Variants in ABCG2 observed in about 807,000 individuals in gnomAD.
ABCG2 encodes the protein ATP binding cassette subfamily G member 2 (JR blood group), also known as broad substrate specificity ATP-binding cassette transporter ABCG2.
In ABCG2, 80 loss-of-function variants were observed where a neutral mutation model predicts 73.5. The ratio of observed to expected loss-of-function variants is 1.09; its 90% CI spans 0.91 to 1.31. The LOEUF (loss-of-function observed/expected upper bound fraction) is 1.31, where lower values mean the gene tolerates loss of function less well. ABCG2 is among the 50% of genes most tolerant of loss of function. The pLI, the probability that ABCG2 is intolerant of heterozygous loss-of-function variation, is 0.00. For synonymous variants in ABCG2, 269 were observed against 282.4 expected, an observed-to-expected ratio of 0.95 and a Z score of 0.48; for missense variants, 796 against 786.2, an observed-to-expected ratio of 1.01 and a Z score of -0.15.
At chr4:88,158,990 C>A (rs1190083241), upstream of ABCG2, 2 of 360,274 alleles carry the variant, frequency 5.6e-6, no homozygotes. Flanking sequence ...ACTGCCGGGC[C>A]GCGATAAGCG....
chr4:88,179,028 C>A (rs1206317838), intron 1 of ABCG2, among the ~76,000 whole-genome samples: 1 of 152,098 alleles, frequency 6.6e-6, no homozygotes, highest in African/African-American at 2.4e-5. Context: ...GATTGTTGAA[C>A]CCTAACACCT....
At chr4:88,115,089 C>G (rs558266940) in intron 7 of ABCG2, 31 bp from the exon 8 acceptor site, 22 of 1,464,270 alleles carry the variant, frequency 1.5e-5, no homozygotes, top group Middle Eastern at 3.5e-4. Context: ...AAAACACAAA[C>G]TTGATGGTCT....
intron 1 of ABCG2, among the ~76,000 whole-genome samples, chr4:88,202,596 G>A (rs6845663): frequency 6.6e-6 from 1 of 151,162 alleles, no homozygotes; most frequent in Non-Finnish European, 1.5e-5. Flanking sequence ...GTTACCACCC[G>A]GGAACAGGAG....
At chr4:88,151,464 T>G (rs1030428326) in intron 1 of ABCG2, among the ~76,000 whole-genome samples, 2 of 152,120 alleles carry the variant, frequency 1.3e-5, no homozygotes, top group East Asian at 3.8e-4. Flanking sequence ...AGAGGCTGGG[T>G]GCAGTGGCTC....
intron 1 of ABCG2, among the ~76,000 whole-genome samples, chr4:88,178,850 A>G (rs1728114286): frequency 6.6e-6 from 1 of 152,098 alleles, no homozygotes; most frequent in Non-Finnish European, 1.5e-5. Context: ...ACTTTGTCTT[A>G]TTGCTTGGGC....
chr4:88,123,683 C>T lies in ABCG2; in HGVS notation c.532-1891G>A, dbSNP rs111835026. Among the ~76,000 whole-genome samples the T allele has an allele frequency of 3.2e-3, 491 of 152,208 alleles. 2 individuals are homozygous for T. The highest frequency in any genetic ancestry group is 0.011 in the African/African-American group (460 of 41,546). ...GGACTATGTGAAAGGACAAAACCTA[C>T]GTTTTATTGGTGTACCTGAAAGTGA... On this transcript the variant is annotated intron_variant, in intron 5 of 15. Transcript: ENST00000237612.
chr4:88,186,950 G>A (rs1010003794), intron 1 of ABCG2, among the ~76,000 whole-genome samples: 6 of 146,570 alleles, frequency 4.1e-5, no homozygotes, highest in Non-Finnish European at 7.5e-5. Flanking sequence ...AAATTTAGCC[G>A]GGCATGGTGG....
At chr4:88,214,485 G>T (rs762397444) in intron 1 of ABCG2, among the ~76,000 whole-genome samples, 22 of 152,098 alleles carry the variant, frequency 1.4e-4, no homozygotes, top group Non-Finnish European at 3.1e-4. Flanking sequence ...AGAGTGGTTT[G>T]TTAGGTAGGG....
intron 2 of ABCG2, among the ~76,000 whole-genome samples, chr4:88,133,866 T>C (rs1255198003): frequency 3.3e-5 from 5 of 151,662 alleles, no homozygotes; most frequent in Admixed American, 2.6e-4. Context: ...GACACGGTGG[T>C]GGGTGCCTGC....
chr4:88,121,917 A>C, intron 5 of ABCG2, 125 bp from the exon 6 acceptor site: 2 of 920,020 alleles, frequency 2.2e-6, no homozygotes, highest in Non-Finnish European at 1.6e-6. Flanking sequence ...CTGAACAGCA[A>C]ATAAGTGGAT....
chr4:88,126,823 C>T (rs1212525704), intron 5 of ABCG2, among the ~76,000 whole-genome samples: 1 of 152,158 alleles, frequency 6.6e-6, no homozygotes, highest in Non-Finnish European at 1.5e-5. Flanking sequence ...CAATATCATA[C>T]TGAATGGGCA....
At chr4:88,118,543 A>C (rs1041131352) in intron 6 of ABCG2, among the ~76,000 whole-genome samples, 1 of 152,234 alleles carries the variant, frequency 6.6e-6, no homozygotes. Flanking sequence ...ACATTGAATT[A>C]GAATCTCTGG....
chr4:88,119,855 T>C (rs936056139), intron 6 of ABCG2, among the ~76,000 whole-genome samples: 1 of 152,196 alleles, frequency 6.6e-6, no homozygotes, highest in Non-Finnish European at 1.5e-5. Flanking sequence ...ATTTGCAGCC[T>C]GATGATGCGA....
At chr4:88,193,049 G>A (rs1349158710) in intron 1 of ABCG2, among the ~76,000 whole-genome samples, 1 of 151,888 alleles carries the variant, frequency 6.6e-6, no homozygotes, top group East Asian at 1.9e-4. Flanking sequence ...GTGACAATGT[G>A]CCCTTTCAAA....
At chr4:88,158,951 T>C (rs1331962952), upstream of ABCG2, 1 of 346,702 alleles carries the variant, frequency 2.9e-6, no homozygotes, top group East Asian at 8.8e-5. Context: ...CAGGTCGGGG[T>C]TCGCGGGCGG....
At chr4:88,167,134 C>A (rs546674107) in intron 1 of ABCG2, among the ~76,000 whole-genome samples, 1 of 4,832 alleles carries the variant, frequency 2.1e-4, no homozygotes, top group Non-Finnish European at 4.8e-3. Context: ...AAAGTGTCAG[C>A]CAGCTGAAAT....
chr4:88,222,633 C>T (rs765548840), intron 1 of ABCG2, among the ~76,000 whole-genome samples: 8 of 152,150 alleles, frequency 5.3e-5, no homozygotes, highest in South Asian at 2.1e-4. Context: ...TGCCCAGTTT[C>T]GGGTATGTCT....
rs1165812745 is a variant in ABCG2, at chr4:88,097,609, T to C, written c.1493-2A>G. Reference sequence around the variant, plus strand: ...AGGCATCTGCCTTTGGCTTCAATCCTTAGTCAGAAAGAGAAGAAGTAGTTA... The same window carrying C: ...AGGCATCTGCCTTTGGCTTCAATCCCTAGTCAGAAAGAGAAGAAGTAGTTA... On this transcript the variant is annotated splice_acceptor_variant, in intron 12 of 15. Coordinates refer to ENST00000237612, the MANE Select transcript of ABCG2 (RefSeq NM_004827.3). LOFTEE classifies it high-confidence loss of function. 6.2e-7 allele frequency: 1 copy of C among 1,613,510 alleles called. No individual in the cohort carries two copies. Among genetic ancestry groups the C allele is most frequent in the Non-Finnish European group, 8.5e-7 (1 of 1,179,780 alleles).
intron 2 of ABCG2, among the ~76,000 whole-genome samples, chr4:88,133,984 C>G (rs1725077424): frequency 1.3e-5 from 2 of 149,270 alleles, no homozygotes; most frequent in South Asian, 4.2e-4. Context: ...GGCAACAGAG[C>G]AAGACTCCGT....
Sources: gnomAD v4.1 joint callset for allele counts (sites outside exome capture counted in the v4.1 genomes callset) on GRCh38, gnomAD v4.1.1 for gene constraint, MANE v1.5 for transcripts, NCBI Gene and HGNC (gene_info 2026-07-23, HGNC 2026-07-21) for gene names.